Variants in TMCC1 observed in about 807,000 individuals in gnomAD.
TMCC1 encodes transmembrane and coiled-coil domain family 1, also known as transmembrane and coiled-coil domains protein 1.
TMCC1 carries 15 observed loss-of-function variants against 52.4 expected under a neutral mutation model. That is an observed-to-expected ratio of 0.29 (90% CI 0.19 to 0.44). The LOEUF (loss-of-function observed/expected upper bound fraction) is 0.44, where lower values mean the gene tolerates loss of function less well. Ranked by LOEUF, TMCC1 falls within the 20% of genes least tolerant of loss-of-function variation. The pLI, the probability that TMCC1 is intolerant of heterozygous loss-of-function variation, is 1.00. For synonymous variants in TMCC1, 279 were observed against 301.9 expected (o/e 0.92, Z 0.79); for missense variants, 503 against 806.0 (o/e 0.62, Z 4.55).
chr3:129,701,025 C>T (rs1215401158), intron 4 of TMCC1, among the ~76,000 whole-genome samples: 2 of 152,164 alleles, frequency 1.3e-5, no homozygotes, highest in Non-Finnish European at 2.9e-5. Flanking sequence ...TAATGCTCTC[C>T]TTACTTCTCT....
intron 2 of TMCC1, among the ~76,000 whole-genome samples, chr3:129,835,416 C>CCAT (rs2107851089): frequency 6.6e-6 from 1 of 152,116 alleles, no homozygotes; most frequent in South Asian, 2.1e-4. Flanking sequence ...TGAACCAGCC[C>CCAT]CACCTAGCAA....
At chr3:129,685,085 G>C (rs2089302726) in intron 4 of TMCC1, among the ~76,000 whole-genome samples, 1 of 152,078 alleles carries the variant, frequency 6.6e-6, no homozygotes, top group Non-Finnish European at 1.5e-5. Context: ...ATTAAAAGAA[G>C]GGAAAGGGGC....
chr3:129,652,555 T>C (rs1250050208), intron 6 of TMCC1, among the ~76,000 whole-genome samples: 2 of 152,214 alleles, frequency 1.3e-5, no homozygotes, highest in Non-Finnish European at 2.9e-5. Context: ...CCTAAGGCCA[T>C]GCCAGACAAG....
intron 4 of TMCC1, among the ~76,000 whole-genome samples, chr3:129,680,258 G>A (rs78307562): frequency 4.8e-4 from 73 of 152,260 alleles, no homozygotes; most frequent in African/African-American, 1.7e-3. Context: ...GACTCAATCT[G>A]GTTTATGTGT....
At chr3:129,742,257 TC>T (rs2051523757) in intron 4 of TMCC1, among the ~76,000 whole-genome samples, 1 of 152,022 alleles carries the variant, frequency 6.6e-6, no homozygotes, top group African/African-American at 2.4e-5. Flanking sequence ...CTGTTATGCT[TC>T]AAAGGACACC....
At chr3:129,817,301 C>T (rs1009605099) in intron 4 of TMCC1, among the ~76,000 whole-genome samples, 5 of 151,878 alleles carry the variant, frequency 3.3e-5, no homozygotes, top group African/African-American at 4.8e-5. Context: ...CCATAAGAGT[C>T]GGCCGGGTGT....
chr3:129,722,300 G>A (rs1047468663), intron 4 of TMCC1, among the ~76,000 whole-genome samples: 1 of 152,156 alleles, frequency 6.6e-6, no homozygotes, highest in African/African-American at 2.4e-5. Flanking sequence ...CTGCGCTTGC[G>A]AGGGATCTAG....
intron 4 of TMCC1, among the ~76,000 whole-genome samples, chr3:129,798,138 G>T (rs1031547910): frequency 2.0e-5 from 3 of 152,082 alleles, no homozygotes; most frequent in Admixed American, 2.0e-4. Context: ...TGGGATTACA[G>T]GCGCCTGCCA....
chr3:129,851,744 C>T (rs903789912), intron 2 of TMCC1, among the ~76,000 whole-genome samples: 3 of 152,126 alleles, frequency 2.0e-5, no homozygotes, highest in Non-Finnish European at 4.4e-5. Flanking sequence ...GGTACATATA[C>T]AAAAGAGTTC....
At chr3:129,783,843 T>C (rs1411156974) in intron 4 of TMCC1, among the ~76,000 whole-genome samples, 1 of 152,180 alleles carries the variant, frequency 6.6e-6, no homozygotes, top group Non-Finnish European at 1.5e-5. Flanking sequence ...AAGATGAAGT[T>C]AGAAATGTGG....
At chr3:129,875,734 A>G (rs2061172726) in intron 2 of TMCC1, among the ~76,000 whole-genome samples, 1 of 152,212 alleles carries the variant, frequency 6.6e-6, no homozygotes, top group Non-Finnish European at 1.5e-5. Context: ...GAGGTCTTCC[A>G]TAAAAGCCAA....
intron 4 of TMCC1, among the ~76,000 whole-genome samples, chr3:129,809,479 C>A (rs1201854072): frequency 6.6e-6 from 1 of 152,090 alleles, no homozygotes; most frequent in African/African-American, 2.4e-5. Context: ...TCATTTGTTC[C>A]TGTAGCTTAC....
At chr3:129,765,017 G>A (rs1207082737) in intron 4 of TMCC1, among the ~76,000 whole-genome samples, 4 of 150,740 alleles carry the variant, frequency 2.7e-5, no homozygotes, top group African/African-American at 9.7e-5. Flanking sequence ...GCCCAGGCTA[G>A]TCTTGAACTC....
In TMCC1 at chr3:129,791,343, T is replaced by C. The variant is rs187865495; in HGVS notation, c.576+36460A>G. ...CTCCTGACTTCGTGATCTACCCACCTTGGCCTCCCAAAGTGCTGGGATTAC... is the reference window on the plus strand; with the variant it reads ...CTCCTGACTTCGTGATCTACCCACCCTGGCCTCCCAAAGTGCTGGGATTAC... On this transcript the variant is annotated intron_variant, in intron 4 of 6. Transcript: ENST00000393238. Among the ~76,000 whole-genome samples the C allele has an allele frequency of 4.5e-3, 691 of 152,270 alleles. 3 individuals are homozygous for C. Among genetic ancestry groups the C allele is most frequent in the Admixed American group, 0.013 (205 of 15,292 alleles).
At chr3:129,805,914 A>G (rs2057434138) in intron 4 of TMCC1, among the ~76,000 whole-genome samples, 1 of 152,194 alleles carries the variant, frequency 6.6e-6, no homozygotes, top group Non-Finnish European at 1.5e-5. Context: ...CCTGGGCCAC[A>G]GAGTAAGACC....
At chr3:129,878,078 C>T (rs868606133) in intron 2 of TMCC1, among the ~76,000 whole-genome samples, 1 of 152,100 alleles carries the variant, frequency 6.6e-6, no homozygotes, top group Non-Finnish European at 1.5e-5. Flanking sequence ...CCTGCCTCAG[C>T]CTCCCAAGTA....
chr3:129,680,127 G>C (rs567002774), intron 4 of TMCC1, among the ~76,000 whole-genome samples: 23 of 152,242 alleles, frequency 1.5e-4, no homozygotes, highest in Admixed American at 4.6e-4. Context: ...AAATACTTTA[G>C]TATTCTCGTT....
At position 129,830,134 on chromosome 3, in the gene TMCC1, T is replaced by G. The variant is rs748826909; in HGVS notation, c.-130-1626A>C. Among the ~76,000 whole-genome samples the G allele has an allele frequency of 3.1e-4, 47 of 152,220 alleles. 1 individual carries two copies. Among genetic ancestry groups the G allele is most frequent in the Non-Finnish European group, 4.4e-5 (3 of 68,042 alleles). ...GCCTTTCACCCAAATTCTTTGTGGC[T>G]CCACTGAAATCTAGCCATCCCACTA... is the stretch of plus-strand genomic sequence containing the variant. On this transcript the variant is annotated intron_variant, in intron 3 of 6. Coordinates refer to ENST00000393238, the MANE Select transcript of TMCC1 (RefSeq NM_001017395.5).
chr3:129,656,377 A>C (rs1296020947), intron 5 of TMCC1, among the ~76,000 whole-genome samples: 1 of 152,240 alleles, frequency 6.6e-6, no homozygotes, highest in Non-Finnish European at 1.5e-5. Context: ...TAACATTAAC[A>C]CCAGCATGTG....
Sources: gnomAD v4.1 joint callset for allele counts (sites outside exome capture counted in the v4.1 genomes callset) on GRCh38, gnomAD v4.1.1 for gene constraint, MANE v1.5 for transcripts, NCBI Gene and HGNC (gene_info 2026-07-23, HGNC 2026-07-21) for gene names.